Variants in SGCZ observed in about 807,000 individuals in gnomAD.
The protein encoded by SGCZ is zeta-sarcoglycan.
In SGCZ, 40 loss-of-function variants were observed where a neutral mutation model predicts 41.3. The observed-to-expected ratio is 0.97, with a 90% CI of 0.75 to 1.26. The LOEUF (loss-of-function observed/expected upper bound fraction) is 1.26, where lower values mean the gene tolerates loss of function less well. Among genes scored for constraint, SGCZ ranks in the 50% most tolerant of loss-of-function variants. The pLI, the probability that SGCZ is intolerant of heterozygous loss-of-function variation, is 0.00. For synonymous variants in SGCZ, 206 were observed against 137.5 expected, an observed-to-expected ratio of 1.50 and a Z score of -3.49; for missense variants, 552 against 369.8, an observed-to-expected ratio of 1.49 and a Z score of -4.04.
rs538610533 is a variant in SGCZ, at chr8:14,758,832, A to G, written c.40-203906T>C. Among the ~76,000 whole-genome samples the G allele has an allele frequency of 3.9e-5, 6 of 152,210 alleles. No homozygotes were observed. In the East Asian group the frequency reaches 9.7e-4, roughly 24 times the overall value. On this transcript the variant is annotated intron_variant, in intron 1 of 7. Coordinates refer to ENST00000382080, the MANE Select transcript of SGCZ (RefSeq NM_139167.4). ...AAGACCAGCCTGATCAACATGAAGA[A>G]ACCCTGTCTCTACTAAAAATACAAA...
At chr8:14,475,335 G>A (rs1801327286) in intron 2 of SGCZ, among the ~76,000 whole-genome samples, 1 of 152,156 alleles carries the variant, frequency 6.6e-6, no homozygotes, top group South Asian at 2.1e-4. Flanking sequence ...TACAAGTAAA[G>A]CAACTAATAA....
chr8:15,128,030 T>C (rs1253757893), intron 1 of SGCZ, among the ~76,000 whole-genome samples: 1 of 152,210 alleles, frequency 6.6e-6, no homozygotes, highest in Non-Finnish European at 1.5e-5. Context: ...TGATGTACTA[T>C]GCTATTATTC....
chr8:14,241,477 A>G (rs1798888434), intron 3 of SGCZ, among the ~76,000 whole-genome samples: 1 of 148,500 alleles, frequency 6.7e-6, no homozygotes, highest in African/African-American at 2.4e-5. Context: ...TATCCTATAT[A>G]TAATATATAG....
chr8:14,688,320 G>A (rs1269495451), intron 1 of SGCZ, among the ~76,000 whole-genome samples: 3 of 152,080 alleles, frequency 2.0e-5, no homozygotes, highest in Non-Finnish European at 4.4e-5. Context: ...GGGTTTTTAT[G>A]GTTTTAGGTC....
At chr8:14,774,221 G>A (rs1181164512) in intron 1 of SGCZ, among the ~76,000 whole-genome samples, 2 of 152,124 alleles carry the variant, frequency 1.3e-5, no homozygotes, top group Non-Finnish European at 2.9e-5. Context: ...CAGCCTGAAG[G>A]CCTTCAGACA....
chr8:14,550,052 A>G (rs1288723984), intron 2 of SGCZ, among the ~76,000 whole-genome samples: 3 of 151,940 alleles, frequency 2.0e-5, no homozygotes, highest in Admixed American at 2.0e-4. Flanking sequence ...ACCTAGAGAA[A>G]CTCTTGTACT....
At chr8:14,447,455 T>C (rs530715069) in intron 2 of SGCZ, among the ~76,000 whole-genome samples, 1 of 152,240 alleles carries the variant, frequency 6.6e-6, no homozygotes, top group South Asian at 2.1e-4. Context: ...AAGTTAAATA[T>C]TTAAGAGAAA....
At chr8:14,722,643 G>C (rs370020513) in intron 1 of SGCZ, among the ~76,000 whole-genome samples, 56 of 132,692 alleles carry the variant, frequency 4.2e-4, no homozygotes, top group African/African-American at 2.0e-3. Flanking sequence ...CAAAGTGAGA[G>C]AGAGTTGAAA....
chr8:14,596,641 G>A (rs73517264), intron 1 of SGCZ, among the ~76,000 whole-genome samples: 10,505 of 151,930 alleles, frequency 0.069, 452 homozygotes, highest in Middle Eastern at 0.18. Context: ...TTAGAATATC[G>A]TCCATGTGGG....
intron 5 of SGCZ, among the ~76,000 whole-genome samples, chr8:14,142,191 T>C (rs1293245511): frequency 6.6e-6 from 1 of 151,996 alleles, no homozygotes; most frequent in Non-Finnish European, 1.5e-5. Context: ...GGGGGAGGGA[T>C]AGCACTGGGA....
intron 1 of SGCZ, among the ~76,000 whole-genome samples, chr8:15,199,241 G>A (rs926413068): frequency 1.3e-5 from 2 of 152,140 alleles, no homozygotes; most frequent in Non-Finnish European, 2.9e-5. Flanking sequence ...TGACTGCCAT[G>A]TGTAACTGCA....
intron 3 of SGCZ, among the ~76,000 whole-genome samples, chr8:14,295,720 G>C (rs1800987262): frequency 6.6e-6 from 1 of 152,136 alleles, no homozygotes; most frequent in Non-Finnish European, 1.5e-5. Context: ...TTTTCTGCCT[G>C]AGGTACTTTC....
chr8:15,198,451 A>G (rs960044445), intron 1 of SGCZ, among the ~76,000 whole-genome samples: 10 of 152,188 alleles, frequency 6.6e-5, no homozygotes, highest in Non-Finnish European at 1.0e-4. Context: ...TTCTAATAAG[A>G]AGCTATTGAA....
At chr8:15,201,332 G>C (rs1280920265) in intron 1 of SGCZ, among the ~76,000 whole-genome samples, 2 of 152,096 alleles carry the variant, frequency 1.3e-5, no homozygotes, top group African/African-American at 2.4e-5. Flanking sequence ...CCATTTCAAA[G>C]AGACAAGAAG....
At chr8:14,443,862 G>C (rs537325229) in intron 2 of SGCZ, among the ~76,000 whole-genome samples, 96 of 152,286 alleles carry the variant, frequency 6.3e-4, no homozygotes, top group Non-Finnish European at 1.0e-3. Flanking sequence ...ACTAACATCA[G>C]AGTGAACAGG....
intron 1 of SGCZ, among the ~76,000 whole-genome samples, chr8:14,714,918 T>G (rs756030734): frequency 1.3e-5 from 2 of 152,158 alleles, no homozygotes; most frequent in Non-Finnish European, 2.9e-5. Flanking sequence ...TGTGAGACTT[T>G]CTTTTAGAGA....
chr8:14,789,687 T>G (rs1738156027), intron 1 of SGCZ, among the ~76,000 whole-genome samples: 2 of 152,146 alleles, frequency 1.3e-5, no homozygotes, highest in Admixed American at 6.6e-5. Flanking sequence ...CCTGGAACAA[T>G]CCTACTGTCT....
chr8:14,606,284 C>T (rs1250355803), intron 1 of SGCZ, among the ~76,000 whole-genome samples: 1 of 151,974 alleles, frequency 6.6e-6, no homozygotes, highest in African/African-American at 2.4e-5. Context: ...CACTTTCTTG[C>T]TTCATATTCA....
intron 2 of SGCZ, among the ~76,000 whole-genome samples, chr8:14,460,508 A>C (rs1800871294): frequency 1.3e-5 from 2 of 152,130 alleles, no homozygotes; most frequent in South Asian, 2.1e-4. Flanking sequence ...GTGGTGCCCC[A>C]AAATTACTTT....
Sources: allele counts gnomAD v4.1 joint callset (sites outside exome capture counted in the v4.1 genomes callset), GRCh38; gene constraint gnomAD v4.1.1; transcripts MANE v1.5; gene names NCBI Gene and HGNC (gene_info 2026-07-23, HGNC 2026-07-21).